Variants in PPP1R9A observed in about 807,000 individuals in gnomAD.
PPP1R9A encodes neurabin-1.
In PPP1R9A, 59 loss-of-function variants were observed where a neutral mutation model predicts 141.9. The observed-to-expected ratio is 0.42, with a 90% CI of 0.34 to 0.52. PPP1R9A has a LOEUF of 0.52. Among genes scored for constraint, PPP1R9A ranks in the 20% least tolerant of loss-of-function variants. The pLI, the probability that PPP1R9A is intolerant of heterozygous loss-of-function variation, is 0.10. For synonymous variants in PPP1R9A, 500 were observed against 569.7 expected, an observed-to-expected ratio of 0.88 and a Z score of 1.74; for missense variants, 1,444 against 1,611.9, an observed-to-expected ratio of 0.90 and a Z score of 1.78.
At chr7:95,129,986 A>G (rs1185816173) in intron 4 of PPP1R9A, among the ~76,000 whole-genome samples, 1 of 152,208 alleles carries the variant, frequency 6.6e-6, no homozygotes, top group Non-Finnish European at 1.5e-5. Flanking sequence ...CAGCCTGACA[A>G]TGAGATAGAA....
At chr7:95,078,767 A>G (rs1815280552) in intron 2 of PPP1R9A, among the ~76,000 whole-genome samples, 1 of 151,086 alleles carries the variant, frequency 6.6e-6, no homozygotes, top group Non-Finnish European at 1.5e-5. Context: ...TTTTGGCTGC[A>G]TAAATGTCTT....
At chr7:95,261,274 G>T (rs1186879360) in intron 12 of PPP1R9A, among the ~76,000 whole-genome samples, 3 of 152,176 alleles carry the variant, frequency 2.0e-5, no homozygotes, top group African/African-American at 7.2e-5. Flanking sequence ...TTTAGTACCA[G>T]AAAATTCTGC....
At chr7:95,177,787 A>T (rs1481626118) in intron 5 of PPP1R9A, among the ~76,000 whole-genome samples, 1 of 152,176 alleles carries the variant, frequency 6.6e-6, no homozygotes, top group Non-Finnish European at 1.5e-5. Flanking sequence ...GAGGGACATT[A>T]TATAATGGTA....
intron 2 of PPP1R9A, among the ~76,000 whole-genome samples, chr7:95,102,576 T>C (rs1157578946): frequency 6.6e-6 from 1 of 152,250 alleles, no homozygotes; most frequent in Non-Finnish European, 1.5e-5. Flanking sequence ...CTGCCTTACA[T>C]GTGGGCCCCA....
chr7:95,207,441 A>C (rs538677473), intron 7 of PPP1R9A, among the ~76,000 whole-genome samples: 1 of 152,296 alleles, frequency 6.6e-6, no homozygotes, highest in Non-Finnish European at 1.5e-5. Context: ...AAAGCTAACA[A>C]TGATGAGAAA....
At chr7:95,166,745 CAG>C (rs1831326210) in intron 5 of PPP1R9A, among the ~76,000 whole-genome samples, 1 of 152,170 alleles carries the variant, frequency 6.6e-6, no homozygotes. Flanking sequence ...CCAATGAACA[CAG>C]AGGCAAAATT....
chr7:95,011,861 C>T (rs1202867861), intron 2 of PPP1R9A, among the ~76,000 whole-genome samples: 1 of 152,128 alleles, frequency 6.6e-6, no homozygotes, highest in Non-Finnish European at 1.5e-5. Context: ...TTAACATTAT[C>T]ACAGTGGACT....
intron 2 of PPP1R9A, among the ~76,000 whole-genome samples, chr7:94,934,553 T>A (rs1794534548): frequency 6.6e-6 from 1 of 152,048 alleles, no homozygotes; most frequent in South Asian, 2.1e-4. Flanking sequence ...TCAGTGTAGT[T>A]AAGAAAATAT....
intron 2 of PPP1R9A, among the ~76,000 whole-genome samples, chr7:95,025,802 C>A (rs1806745177): frequency 6.7e-6 from 1 of 149,066 alleles, no homozygotes; most frequent in Non-Finnish European, 1.5e-5. Flanking sequence ...ATATTGTCTT[C>A]ATGCTTTATT....
intron 7 of PPP1R9A, among the ~76,000 whole-genome samples, chr7:95,205,733 A>G (rs868289258): frequency 1.6e-4 from 24 of 152,228 alleles, no homozygotes; most frequent in Middle Eastern, 6.8e-3. Flanking sequence ...CATCTCCTTC[A>G]CAAAGCATTG....
chr7:95,163,301 T>C (rs935377954), intron 5 of PPP1R9A, among the ~76,000 whole-genome samples: 1 of 152,250 alleles, frequency 6.6e-6, no homozygotes, highest in Non-Finnish European at 1.5e-5. Flanking sequence ...AGTCTTCAAA[T>C]GTCTTCTTAA....
intron 8 of PPP1R9A, 25 bp downstream of exon 8, chr7:95,226,141 T>A: frequency 6.3e-7 from 1 of 1,598,680 alleles, no homozygotes; most frequent in African/African-American, 1.3e-5. Context: ...TGCAAAATAT[T>A]TCTTTATGCC....
chr7:95,067,212 A>T (rs1258559635), intron 2 of PPP1R9A, among the ~76,000 whole-genome samples: 1 of 152,218 alleles, frequency 6.6e-6, no homozygotes, highest in Non-Finnish European at 1.5e-5. Context: ...TCAGGGAATT[A>T]ATAAATGAAG....
At chr7:95,067,424 T>G (rs79646927) in intron 2 of PPP1R9A, among the ~76,000 whole-genome samples, 3 of 152,146 alleles carry the variant, frequency 2.0e-5, no homozygotes, top group African/African-American at 7.2e-5. Context: ...GGCGATACAC[T>G]GGCGGGAAGG....
chr7:95,003,650 T>G (rs1324406917), intron 2 of PPP1R9A, among the ~76,000 whole-genome samples: 2 of 152,200 alleles, frequency 1.3e-5, no homozygotes, highest in Non-Finnish European at 2.9e-5. Flanking sequence ...TGACCTATAA[T>G]GCTGGTTCTC....
intron 4 of PPP1R9A, among the ~76,000 whole-genome samples, chr7:95,151,866 T>G (rs1828733740): frequency 6.6e-6 from 1 of 151,756 alleles, no homozygotes; most frequent in African/African-American, 2.4e-5. Context: ...TAGGAAGCTT[T>G]GCTTATTTAT....
intron 2 of PPP1R9A, among the ~76,000 whole-genome samples, chr7:95,029,850 A>G (rs1584354388): frequency 6.6e-6 from 1 of 152,184 alleles, no homozygotes; most frequent in Non-Finnish European, 1.5e-5. Context: ...ACTGACATAC[A>G]TTGCCGTTTT....
At position 95,293,189 on chromosome 7, in the gene PPP1R9A, G is replaced by A. The variant is rs1806602049; in HGVS notation, c.*2886G>A. 2 of 152,094 alleles carry A rather than the reference G, an allele frequency of 1.3e-5. No homozygotes were observed. 9.4% of individuals were successfully genotyped at this position (152,094 alleles called of 1,614,324 possible). A position where few individuals can be genotyped will look rare whatever the true frequency, so the allele number is the denominator to read the frequency against. ...AGAAAGCATTGTATGAGCTGTATCT[G>A]GGTCAGGGTTTCCCATTAAAGGATG... On this transcript the variant is annotated 3_prime_UTR_variant, in exon 20 of 20. Transcript: ENST00000433360.
chr7:95,091,871 A>G (rs559583240), intron 2 of PPP1R9A, among the ~76,000 whole-genome samples: 1 of 151,288 alleles, frequency 6.6e-6, no homozygotes, highest in African/African-American at 2.4e-5. Flanking sequence ...AGGAGAGAAA[A>G]GCATGGTTTT....
Sources: gnomAD v4.1 joint callset for allele counts (sites outside exome capture counted in the v4.1 genomes callset) on GRCh38, gnomAD v4.1.1 for gene constraint, MANE v1.5 for transcripts, NCBI Gene and HGNC (gene_info 2026-07-23, HGNC 2026-07-21) for gene names.